Variants in HSPG2 observed in about 807,000 individuals in gnomAD.
The protein encoded by HSPG2 is basement membrane-specific heparan sulfate proteoglycan core protein.
A neutral mutation model predicts 526.6 loss-of-function variants in HSPG2; 278 were observed. The ratio of observed to expected loss-of-function variants is 0.53; its 90% CI spans 0.48 to 0.58. The LOEUF (loss-of-function observed/expected upper bound fraction) is 0.58, where lower values mean the gene tolerates loss of function less well. Among genes scored for constraint, HSPG2 ranks in the 20% least tolerant of loss-of-function variants. The pLI, the probability that HSPG2 is intolerant of heterozygous loss-of-function variation, is 0.00. For synonymous variants in HSPG2, 2,465 were observed against 2,555.4 expected (o/e 0.96, Z 1.07); for missense variants, 5,354 against 6,099.5 (o/e 0.88, Z 4.07).
intron 1 of HSPG2, among the ~76,000 whole-genome samples, chr1:21,906,001 C>A (rs1481174642): frequency 1.3e-5 from 2 of 152,196 alleles, no homozygotes; most frequent in East Asian, 3.8e-4. Context: ...AAGAGTGAGA[C>A]CCTGTCTCTA....
At position 21,857,104 on chromosome 1, in the gene HSPG2, T is replaced by C. The variant is rs371550970; in HGVS notation, c.5486A>G (p.Asn1829Ser). Residue 1829 changes from asparagine (N) to serine (S), a missense_variant, in exon 44 of 97, where the codon AAC becomes AGC. Coordinates refer to ENST00000374695, the MANE Select transcript of HSPG2 (RefSeq NM_005529.7). ...MDFNGILTIRNVQLSDAGTYV... is the reference protein window; with the variant it reads ...MDFNGILTIRSVQLSDAGTYV... ...GGTGCCTGCATCACTCAGCTGGACG[T>C]TGCGAATGGTCAGGATGCCATTGAA... The C allele has an allele frequency of 1.8e-4, 284 of 1,614,020 alleles. No individual in the cohort carries two copies. Among genetic ancestry groups the C allele is most frequent in the Non-Finnish European group, 2.3e-4 (274 of 1,180,040 alleles).
intron 80 of HSPG2, 23 bp downstream of exon 80, chr1:21,833,245 C>G (rs750619154): frequency 1.2e-6 from 2 of 1,602,026 alleles, no homozygotes; most frequent in East Asian, 2.2e-5. Context: ...CAGCCCACCC[C>G]GCAAATTAAC....
chr1:21,872,531 G>T lies in HSPG2; in HGVS notation c.4029+89C>A. 1 of 1,492,416 alleles carries T rather than the reference G, an allele frequency of 6.7e-7. No individual in the cohort carries two copies. The highest frequency in any genetic ancestry group is 9.1e-7 in the Non-Finnish European group (1 of 1,095,198). The allele number at this position is 1,492,416 out of a possible 1,614,324, so 92.4% of individuals were successfully genotyped here. On this transcript the variant is annotated intron_variant, in intron 32 of 96. Transcript: ENST00000374695. The surrounding 1 kb of genome is among the most constrained non-coding windows in gnomAD (Gnocchi z 5.5). Reference sequence around the variant, plus strand: ...GGGCATGTGAGGGTACTGAGGCGGGGATGAGGGTCGCTGGGCTCAGTGCTC... The same window carrying T: ...GGGCATGTGAGGGTACTGAGGCGGGTATGAGGGTCGCTGGGCTCAGTGCTC...
intron 1 of HSPG2, among the ~76,000 whole-genome samples, chr1:21,912,620 C>T (rs755878596): frequency 2.0e-5 from 3 of 152,156 alleles, no homozygotes; most frequent in South Asian, 2.1e-4. Flanking sequence ...CTGACACTTC[C>T]GGCTGCTGGG....
intron 64 of HSPG2, 44 bp downstream of exon 64, chr1:21,846,064 T>C: frequency 6.2e-7 from 1 of 1,608,394 alleles, no homozygotes; most frequent in Non-Finnish European, 8.5e-7. Flanking sequence ...CTCTGTCCCT[T>C]CCTCCCTCCC....
At chr1:21,885,268 A>G in intron 10 of HSPG2, 52 bp downstream of exon 10, 1 of 1,612,354 alleles carries the variant, frequency 6.2e-7, no homozygotes, top group South Asian at 1.1e-5. Context: ...TGTGGACAGA[A>G]CCCCTAGAAC....
Position 21,831,075 on chromosome 1 carries a change from G to T in HSPG2, c.11578C>A (p.His3860Asn), listed in dbSNP as rs763880776. The stretch of plus-strand genomic sequence containing the variant: ...ACGTAGCTGCTGCTCTCAGAGTCAT[G>T]GCACTGACCGCCATTCTGCAAAGCA... ...DRPCQNGGQC[H>N]DSESSSYVCV... is the part of the protein sequence containing the mutation. Residue 3860 changes from histidine to asparagine, a missense_variant, in exon 85 of 97, where the codon CAT (histidine) becomes AAT (asparagine). Physicochemically the swap from His to Asn is moderately conservative, Grantham distance 68 (BLOSUM62 1). Transcript: ENST00000374695. The T allele has an allele frequency of 1.9e-6, 3 of 1,599,944 alleles. No homozygotes were observed. The highest frequency in any genetic ancestry group is 2.6e-6 in the Non-Finnish European group (3 of 1,173,460).
chr1:21,919,302 T>G (rs1174268624), intron 1 of HSPG2, among the ~76,000 whole-genome samples: 1 of 152,010 alleles, frequency 6.6e-6, no homozygotes, highest in Non-Finnish European at 1.5e-5. Flanking sequence ...GGTGTGCACC[T>G]GTAATCCCAG....
chr1:21,883,865 A>G (rs969408391), intron 13 of HSPG2, among the ~76,000 whole-genome samples: 2 of 152,184 alleles, frequency 1.3e-5, no homozygotes, highest in African/African-American at 4.8e-5. Flanking sequence ...TCTGCCTCTC[A>G]GTGCCAGAAA....
intron 44 of HSPG2, among the ~76,000 whole-genome samples, chr1:21,856,372 C>A (rs1639340426): frequency 6.6e-6 from 1 of 152,162 alleles, no homozygotes; most frequent in African/African-American, 2.4e-5. Flanking sequence ...AGAGGCCCTC[C>A]CTGACTGCCC....
intron 1 of HSPG2, among the ~76,000 whole-genome samples, chr1:21,902,194 G>A (rs1643138378): frequency 6.6e-6 from 1 of 152,146 alleles, no homozygotes; most frequent in South Asian, 2.1e-4. Flanking sequence ...TAATCCCCTG[G>A]CAGTCTGAGA....
intron 56 of HSPG2, 75 bp from the exon 57 acceptor site, chr1:21,850,267 T>G (rs1007211179): frequency 1.2e-6 from 2 of 1,610,882 alleles, no homozygotes; most frequent in African/African-American, 2.7e-5. Context: ...TCAAGGCAGG[T>G]GCAGTCTGCG....
chr1:21,844,693 T>C (rs1198541399), intron 64 of HSPG2, among the ~76,000 whole-genome samples: 5 of 152,330 alleles, frequency 3.3e-5, no homozygotes, highest in Admixed American at 3.3e-4. Context: ...TGTATGACCT[T>C]TGGAAAACAA....
At position 21,853,052 on chromosome 1, in the gene HSPG2, G is replaced by C; in HGVS notation, c.6458C>G (p.Pro2153Arg). 6.2e-7 allele frequency: 1 copy of C among 1,613,900 alleles called. No individual in the cohort carries two copies. The highest frequency in any genetic ancestry group is 8.5e-7 in the Non-Finnish European group (1 of 1,179,948). Residue 2153 changes from proline (P) to arginine (R), a missense_variant, in exon 51 of 97, where the codon CCC (proline) becomes CGC (arginine). Physicochemically the swap from Pro to Arg is moderately radical, Grantham distance 103 (BLOSUM62 -2). Coordinates refer to ENST00000374695, the MANE Select transcript of HSPG2 (RefSeq NM_005529.7). The stretch of plus-strand genomic sequence containing the variant: ...TGAGGAGGAGGGCTCGATGCGGATG[G>C]GCCGGGTGCTGCCGGGCACTGGACA... ...SYTPVPGSTR[P>R]IRIEPSSSHV...
chr1:21,889,538 T>C (rs1449162100), intron 6 of HSPG2, among the ~76,000 whole-genome samples: 1 of 150,608 alleles, frequency 6.6e-6, no homozygotes, highest in Non-Finnish European at 1.5e-5. Context: ...TGGACAAATT[T>C]AGATTTTCCT....
chr1:21,869,216 T>C (rs931506217), intron 33 of HSPG2, among the ~76,000 whole-genome samples: 6 of 152,206 alleles, frequency 3.9e-5, no homozygotes, highest in Admixed American at 1.3e-4. Flanking sequence ...TCTCCTCCCA[T>C]CTGGTGGGTC....
At chr1:21,875,045 G>A (rs369452313) in intron 25 of HSPG2, 43 bp from the exon 26 acceptor site, 28 of 1,424,994 alleles carry the variant, frequency 2.0e-5, no homozygotes, top group Middle Eastern at 3.5e-4. Flanking sequence ...TGCTGGCTCT[G>A]TGCCAGGCAC....
In HSPG2 at chr1:21,854,279, C is replaced by A. The variant is rs144032875; in HGVS notation, c.6353G>T (p.Arg2118Leu). 6.3e-7 allele frequency: 1 copy of A among 1,578,248 alleles called. No homozygotes were observed. Among genetic ancestry groups the A allele is most frequent in the Non-Finnish European group, 8.6e-7 (1 of 1,161,522 alleles). ...CTTGGGGCCCGATCCATTCTCCACA[C>A]GGCACACATATTCTCCAGAATCAGC... ...SPADSGEYVC[R>L]VENGSGPKEA... Residue 2118 changes from arginine to leucine, a missense_variant, in exon 50 of 97, where the codon CGT becomes CTT. By Grantham distance (102) the Arg-to-Leu change is moderately radical. Coordinates refer to ENST00000374695, the MANE Select transcript of HSPG2 (RefSeq NM_005529.7).
Position 21,832,508 on chromosome 1 carries a change from T to C in HSPG2, c.11194A>G (p.Arg3732Gly). Residue 3732 changes from arginine (R) to glycine (G), a missense_variant, in exon 81 of 97, where the codon AGG becomes GGG. By Grantham distance (125) the Arg-to-Gly change is moderately radical. Coordinates refer to ENST00000374695, the MANE Select transcript of HSPG2 (RefSeq NM_005529.7). Reference protein sequence around the residue: ...DFISFGLVGGRPEFRFDAGSG... With the variant: ...DFISFGLVGGGPEFRFDAGSG... ...TGGGGGTCTCACCGGAACTCGGGCC[T>C]TCCCCCCACGAGGCCGAAGGAGATG... 1 of 1,614,054 alleles carries C rather than the reference T, an allele frequency of 6.2e-7. No homozygotes were observed. Among genetic ancestry groups the C allele is most frequent in the Non-Finnish European group, 8.5e-7 (1 of 1,179,908 alleles).
Sources: gnomAD v4.1 joint callset for allele counts (sites outside exome capture counted in the v4.1 genomes callset) on GRCh38, gnomAD v4.1.1 for gene constraint, Gnocchi (gnomAD v3.1) non-coding constraint, MANE v1.5 for transcripts, NCBI Gene and HGNC (gene_info 2026-07-23, HGNC 2026-07-21) for gene names.